The following WWTR1 variants were observed in gnomAD, a reference collection of about 807,000 sequenced individuals.
WWTR1 encodes WW domain-containing transcription regulator protein 1.
WWTR1 carries 13 observed loss-of-function variants against 40.1 expected under a neutral mutation model. That is an observed-to-expected ratio of 0.32 (90% confidence interval 0.21 to 0.52). WWTR1 has a LOEUF of 0.52. Among genes scored for constraint, WWTR1 ranks in the 20% least tolerant of loss-of-function variants. The pLI is 0.97. For synonymous variants in WWTR1, 230 were observed against 210.1 expected (o/e 1.09, Z -0.82); for missense variants, 436 against 523.1 (o/e 0.83, Z 1.63).
chr3:149,565,352 CT>C (rs1737264082), intron 3 of WWTR1, among the ~76,000 whole-genome samples: 2 of 151,048 alleles, frequency 1.3e-5, no homozygotes, highest in South Asian at 2.1e-4. Flanking sequence ...TTTTTCATGG[CT>C]TTTATTATTT....
chr3:149,693,137 C>T (rs904378961), intron 1 of WWTR1, among the ~76,000 whole-genome samples: 4 of 152,166 alleles, frequency 2.6e-5, no homozygotes, highest in African/African-American at 4.8e-5. Context: ...CATAAAGTTG[C>T]AGGATACAAA....
At chr3:149,586,366 A>G (rs1738426426) in intron 2 of WWTR1, among the ~76,000 whole-genome samples, 4 of 152,144 alleles carry the variant, frequency 2.6e-5, no homozygotes, top group African/African-American at 9.7e-5. Context: ...AACTTTGAAG[A>G]GAAGTGAGTT....
intron 2 of WWTR1, among the ~76,000 whole-genome samples, chr3:149,579,084 G>A (rs1686440135): frequency 6.6e-6 from 1 of 152,164 alleles, no homozygotes; most frequent in South Asian, 2.1e-4. Context: ...GATTACAAGT[G>A]CTTCATTTTG....
intron 3 of WWTR1, among the ~76,000 whole-genome samples, chr3:149,568,694 G>T (rs1307492609): frequency 2.6e-5 from 4 of 152,154 alleles, no homozygotes; most frequent in Non-Finnish European, 5.9e-5. Context: ...TAAGTAATGG[G>T]TCTTTCCTCT....
At chr3:149,681,206 T>C (rs1714450765) in intron 1 of WWTR1, among the ~76,000 whole-genome samples, 1 of 152,212 alleles carries the variant, frequency 6.6e-6, no homozygotes, top group East Asian at 1.9e-4. Flanking sequence ...TACTCAGAAG[T>C]AGATGGCTGA....
At chr3:149,592,741 A>C (rs1049518068) in intron 2 of WWTR1, among the ~76,000 whole-genome samples, 14 of 152,182 alleles carry the variant, frequency 9.2e-5, no homozygotes, top group Non-Finnish European at 1.8e-4. Flanking sequence ...GTATTTTAAA[A>C]TCAGGAGCCT....
rs541314215 is a variant in WWTR1 at position 149,543,706 on chromosome 3, G to C, written c.569-1169C>G. On this transcript the variant is annotated intron_variant, in intron 3 of 6. Transcript: ENST00000360632. ...AAAAGTGCTAGTTTTTCTCAAAATT[G>C]TTTACCAGTCAAATTTGCTTAACTT... Among the ~76,000 whole-genome samples, 8 of 142,232 alleles carry C rather than the reference G, an allele frequency of 5.6e-5. No homozygotes were observed. In the East Asian group the frequency reaches 1.7e-3, roughly 30 times the overall value. 93.3% of individuals were successfully genotyped at this position (142,232 alleles called of 152,430 possible).
At chr3:149,580,635 C>T (rs868238069) in intron 2 of WWTR1, among the ~76,000 whole-genome samples, 10 of 152,138 alleles carry the variant, frequency 6.6e-5, no homozygotes, top group South Asian at 2.1e-4. Context: ...GTTTTTGAGA[C>T]GGAGTTTCGC....
chr3:149,572,758 G>A (rs1007229632), intron 3 of WWTR1, 106 bp downstream of exon 3: 4 of 1,353,286 alleles, frequency 3.0e-6, no homozygotes, highest in African/African-American at 1.5e-5. Context: ...GAGGTGTTAG[G>A]ATTGTTTGAG....
intron 3 of WWTR1, among the ~76,000 whole-genome samples, chr3:149,564,372 C>G (rs541982740): frequency 1.3e-5 from 2 of 152,276 alleles, no homozygotes; most frequent in South Asian, 4.1e-4. Context: ...ACTGCAGAGG[C>G]CTGAGCATTC....
chr3:149,580,381 TCTGCTGTCACCTA>T lies in WWTR1; in HGVS notation c.432-7394_432-7382del, dbSNP rs1738085313. On this transcript the variant is annotated intron_variant, in intron 2 of 6. Transcript: ENST00000360632. The stretch of plus-strand genomic sequence containing the variant: ...ATGCACACTTTCTCCAGGTAGTCCC[TCTGCTGTCACCTA>T]AAACCACAATGCAATGGGAGCTGAG... Among the ~76,000 whole-genome samples the T allele has an allele frequency of 2.6e-5, 4 of 152,294 alleles. No individual in the cohort carries two copies. The South Asian group carries it at 8.3e-4, about 32-fold the overall frequency.
intron 2 of WWTR1, among the ~76,000 whole-genome samples, chr3:149,615,839 T>C (rs1296112906): frequency 6.6e-6 from 1 of 152,230 alleles, no homozygotes; most frequent in African/African-American, 2.4e-5. Flanking sequence ...TATTGTTTGG[T>C]CCCTTTATAA....
intron 1 of WWTR1, among the ~76,000 whole-genome samples, chr3:149,680,683 GA>G (rs1388762896): frequency 6.7e-6 from 1 of 150,184 alleles, no homozygotes; most frequent in Non-Finnish European, 1.5e-5. Context: ...AAAAAAAAAT[GA>G]AAAAAGAATT....
upstream of WWTR1, among the ~76,000 whole-genome samples, chr3:149,661,733 G>GT (rs369645645): frequency 0.42 from 56,621 of 133,758 alleles, 11,939 homozygotes; most frequent in Middle Eastern, 0.6. Context: ...CACAAATAAA[G>GT]TTTTTTTTTT....
At chr3:149,606,809 C>A (rs1265520545) in intron 2 of WWTR1, among the ~76,000 whole-genome samples, 4 of 152,118 alleles carry the variant, frequency 2.6e-5, no homozygotes, top group Non-Finnish European at 5.9e-5. Context: ...TTGAGACTTA[C>A]CAGGAATTAA....
intron 4 of WWTR1, among the ~76,000 whole-genome samples, chr3:149,536,557 C>T (rs1735843853): frequency 6.6e-6 from 1 of 151,974 alleles, no homozygotes; most frequent in African/African-American, 2.4e-5. Context: ...AGCCCTCTGT[C>T]AGGATGGCTG....
chr3:149,605,946 T>C (rs1207242779), intron 2 of WWTR1, among the ~76,000 whole-genome samples: 1 of 152,122 alleles, frequency 6.6e-6, no homozygotes, highest in Non-Finnish European at 1.5e-5. Flanking sequence ...AATTCATATG[T>C]TGAAATATAA....
intron 2 of WWTR1, among the ~76,000 whole-genome samples, chr3:149,603,375 G>A (rs1420041039): frequency 6.6e-6 from 1 of 152,152 alleles, no homozygotes; most frequent in Non-Finnish European, 1.5e-5. Flanking sequence ...GGCTTCACAA[G>A]GAATTTTGAC....
chr3:149,566,382 A>G (rs571975813), intron 3 of WWTR1, among the ~76,000 whole-genome samples: 1 of 151,988 alleles, frequency 6.6e-6, no homozygotes, highest in Admixed American at 6.6e-5. Flanking sequence ...ATCTCCCAAA[A>G]AGTGTATGGG....
Sources: allele counts gnomAD v4.1 joint callset (sites outside exome capture counted in the v4.1 genomes callset), GRCh38; gene constraint gnomAD v4.1.1; transcripts MANE v1.5; gene names NCBI Gene and HGNC (gene_info 2026-07-23, HGNC 2026-07-21).